The following THSD7A variants were observed in gnomAD, a reference collection of about 807,000 sequenced individuals.
THSD7A encodes the protein thrombospondin type-1 domain-containing protein 7A.
Under a neutral mutation model 231.3 loss-of-function variants are expected in THSD7A, and 96 were observed. The ratio of observed to expected loss-of-function variants is 0.41; its 90% confidence interval spans 0.35 to 0.49. The LOEUF (loss-of-function observed/expected upper bound fraction) is 0.49. THSD7A is among the 20% of genes least tolerant of loss of function. THSD7A has a pLI of 0.05. For synonymous variants in THSD7A, 940 were observed against 743.3 expected (o/e 1.26, Z -4.30); for missense variants, 2,290 against 2,070.2 (o/e 1.11, Z -2.06).
At chr7:11,574,457 C>A (rs1790792806) in intron 4 of THSD7A, among the ~76,000 whole-genome samples, 2 of 139,128 alleles carry the variant, frequency 1.4e-5, no homozygotes, top group African/African-American at 5.4e-5. Flanking sequence ...TTTTTTGAGA[C>A]AGAGTTTCGC....
chr7:11,745,214 T>C (rs551147334), intron 1 of THSD7A, among the ~76,000 whole-genome samples: 124 of 152,266 alleles, frequency 8.1e-4, no homozygotes, highest in African/African-American at 2.8e-3. Flanking sequence ...CATTTTTTCA[T>C]GTGTCTTTTG....
intron 8 of THSD7A, among the ~76,000 whole-genome samples, chr7:11,472,409 G>A (rs1266050379): frequency 6.6e-6 from 1 of 151,988 alleles, no homozygotes; most frequent in Non-Finnish European, 1.5e-5. Flanking sequence ...TGCATTTTTT[G>A]GTTCATATAC....
intron 1 of THSD7A, among the ~76,000 whole-genome samples, chr7:11,756,929 T>C (rs2128166680): frequency 6.6e-6 from 1 of 152,178 alleles, no homozygotes; most frequent in African/African-American, 2.4e-5. Context: ...TGTTCTTTAG[T>C]TATTGCATGC....
chr7:11,386,441 T>G (rs1023309929), intron 23 of THSD7A, among the ~76,000 whole-genome samples: 4 of 152,200 alleles, frequency 2.6e-5, no homozygotes, highest in Non-Finnish European at 4.4e-5. Flanking sequence ...TCATTGTGGT[T>G]TTGATTTGTG....
intron 6 of THSD7A, among the ~76,000 whole-genome samples, chr7:11,507,116 A>T (rs1009925239): frequency 6.6e-6 from 1 of 152,202 alleles, no homozygotes. Flanking sequence ...GACATTAAGC[A>T]GTCACAGTGA....
Position 11,593,308 on chromosome 7 carries a change from A to C in THSD7A, c.1217T>G (p.Phe406Cys). ...PIGSEKECPE[F>C]EEKEPCLSQG... is the part of the protein sequence containing the mutation. ...AGACAAACAGGGTTCTTTTTCTTCAAATTCTGGACACTCCTTTTCACTGCC... is the reference window on the plus strand; with the variant it reads ...AGACAAACAGGGTTCTTTTTCTTCACATTCTGGACACTCCTTTTCACTGCC... The change falls in exon 3 of 28, where the codon TTT (phenylalanine) becomes TGT (cysteine). Residue 406 changes from phenylalanine (F) to cysteine (C), a missense_variant. Phe to Cys is a radical substitution (Grantham distance 205). Coordinates refer to ENST00000423059, the MANE Select transcript of THSD7A (RefSeq NM_015204.3). 1.9e-6 allele frequency: 3 copies of C among 1,613,952 alleles called. No individual in the cohort carries two copies. The highest frequency in any genetic ancestry group is 2.5e-6 in the Non-Finnish European group (3 of 1,179,872).
intron 6 of THSD7A, among the ~76,000 whole-genome samples, chr7:11,512,894 T>C (rs1787873249): frequency 7.1e-6 from 1 of 140,620 alleles, no homozygotes; most frequent in Non-Finnish European, 1.5e-5. Context: ...AATCTGCACA[T>C]TGTGCACATA....
At position 11,814,580 on chromosome 7, in the gene THSD7A, C is replaced by G. The variant is rs548957527; in HGVS notation, c.190+17177G>C. 1.8e-4 allele frequency among the ~76,000 whole-genome samples: 28 copies of G among 152,294 alleles called. No individual in the cohort carries two copies. The highest frequency in any genetic ancestry group is 1.2e-3 in the Admixed American group (19 of 15,286). On this transcript the variant is annotated intron_variant, in intron 1 of 27. Transcript: ENST00000423059. This position sits in a 1 kb window ranked among gnomAD's most constrained non-coding sequence, Gnocchi z 5.1. ...TGATCAACCAAGGTTGAAGGACCAC[C>G]TTGTCTGCTTCATAGTATTTATTCT...
intron 1 of THSD7A, among the ~76,000 whole-genome samples, chr7:11,648,106 C>A (rs1009217965): frequency 6.6e-6 from 1 of 152,056 alleles, no homozygotes; most frequent in African/African-American, 2.4e-5. Flanking sequence ...AAGCCATTTG[C>A]CATTGCTTAG....
chr7:11,386,942 TC>T (rs1481265955), intron 23 of THSD7A, among the ~76,000 whole-genome samples: 1 of 152,236 alleles, frequency 6.6e-6, no homozygotes, highest in Non-Finnish European at 1.5e-5. Context: ...TAGCCAGTTT[TC>T]CCGACACCAT....
intron 1 of THSD7A, among the ~76,000 whole-genome samples, chr7:11,675,321 C>T (rs535813949): frequency 5.3e-5 from 8 of 152,260 alleles, no homozygotes; most frequent in Non-Finnish European, 1.2e-4. Context: ...CCCTAGGTTT[C>T]AAGCACAAAA....
chr7:11,392,207 T>C (rs912095108), intron 23 of THSD7A, among the ~76,000 whole-genome samples: 2 of 151,954 alleles, frequency 1.3e-5, no homozygotes, highest in South Asian at 2.1e-4. Flanking sequence ...GCTCATCTCA[T>C]TGGGACTGGC....
intron 2 of THSD7A, among the ~76,000 whole-genome samples, chr7:11,635,064 G>T (rs1172812176): frequency 6.6e-6 from 1 of 152,140 alleles, no homozygotes; most frequent in Non-Finnish European, 1.5e-5. Context: ...ACATGCAAAT[G>T]TGGTCTGTTA....
intron 16 of THSD7A, among the ~76,000 whole-genome samples, chr7:11,419,909 G>A (rs1450021084): frequency 1.3e-5 from 2 of 152,160 alleles, no homozygotes; most frequent in Admixed American, 6.5e-5. Flanking sequence ...GAGATTTGTG[G>A]AACTTTGAAC....
chr7:11,526,634 T>A (rs945066100), intron 6 of THSD7A, among the ~76,000 whole-genome samples: 1 of 152,190 alleles, frequency 6.6e-6, no homozygotes, highest in Admixed American at 6.5e-5. Context: ...ACATAGCATG[T>A]AATGCCTAGT....
intron 1 of THSD7A, among the ~76,000 whole-genome samples, chr7:11,819,876 G>A (rs1309196558): frequency 2.6e-5 from 4 of 152,168 alleles, no homozygotes; most frequent in East Asian, 3.9e-4. Flanking sequence ...CCACACTAGC[G>A]CAAGATTCTG....
intron 6 of THSD7A, among the ~76,000 whole-genome samples, chr7:11,519,291 C>T (rs1027584915): frequency 1.3e-5 from 2 of 151,986 alleles, no homozygotes; most frequent in East Asian, 1.9e-4. Flanking sequence ...TTCCCCTTCT[C>T]TTCTTCCTAC....
intron 2 of THSD7A, among the ~76,000 whole-genome samples, chr7:11,595,857 G>A (rs1177027940): frequency 6.6e-6 from 1 of 152,224 alleles, no homozygotes; most frequent in Non-Finnish European, 1.5e-5. Flanking sequence ...GGCAAGGCGG[G>A]CATAGCTATC....
At chr7:11,745,632 G>C (rs546940957) in intron 1 of THSD7A, among the ~76,000 whole-genome samples, 1 of 152,180 alleles carries the variant, frequency 6.6e-6, no homozygotes, top group African/African-American at 2.4e-5. Flanking sequence ...CAAGGTGTAA[G>C]GAAGGGATCC....
Sources: gnomAD v4.1 joint callset for allele counts (sites outside exome capture counted in the v4.1 genomes callset) on GRCh38, gnomAD v4.1.1 for gene constraint, Gnocchi (gnomAD v3.1) non-coding constraint, MANE v1.5 for transcripts, NCBI Gene and HGNC (gene_info 2026-07-23, HGNC 2026-07-21) for gene names.